Variants in KIF16B observed in about 807,000 individuals in gnomAD.
The protein encoded by KIF16B is kinesin family member 16B, also known as kinesin-like protein KIF16B.
KIF16B carries 98 observed loss-of-function variants against 156.3 expected under a neutral mutation model. That is an observed-to-expected ratio of 0.63 (90% CI 0.53 to 0.74). The LOEUF (loss-of-function observed/expected upper bound fraction) is 0.74. KIF16B is among the 30% of genes least tolerant of loss of function. The pLI, the probability that KIF16B is intolerant of heterozygous loss-of-function variation, is 0.00. For missense variants in KIF16B, 1,421 were observed against 1,606.5 expected, an observed-to-expected ratio of 0.88 and a Z score of 1.97; for synonymous variants, 564 against 583.7, an observed-to-expected ratio of 0.97 and a Z score of 0.49.
At chr20:16,312,976 C>CA (rs1473168584) in intron 24 of KIF16B, among the ~76,000 whole-genome samples, 1 of 151,982 alleles carries the variant, frequency 6.6e-6, no homozygotes, top group East Asian at 1.9e-4. Flanking sequence ...TCCATCTTTT[C>CA]ACCTTGTTTC....
chr20:16,565,437 T>C (rs929049503), intron 1 of KIF16B, among the ~76,000 whole-genome samples: 5 of 152,264 alleles, frequency 3.3e-5, no homozygotes, highest in Middle Eastern at 3.4e-3. Context: ...GAACCCCCTA[T>C]AAAAGAGTCT....
chr20:16,566,435 T>C (rs962877590), intron 1 of KIF16B, among the ~76,000 whole-genome samples: 5 of 152,256 alleles, frequency 3.3e-5, no homozygotes, highest in African/African-American at 7.2e-5. Flanking sequence ...CCTACACTAC[T>C]ATTAGATGAA....
intron 20 of KIF16B, among the ~76,000 whole-genome samples, chr20:16,372,281 C>T (rs1018325076): frequency 6.6e-6 from 1 of 152,174 alleles, no homozygotes; most frequent in East Asian, 1.9e-4. Context: ...GATTGAACAG[C>T]GTCTAGCACA....
chr20:16,447,611 T>TA (rs890747669), intron 12 of KIF16B, among the ~76,000 whole-genome samples: 6 of 151,388 alleles, frequency 4.0e-5, no homozygotes, highest in African/African-American at 7.3e-5. Context: ...CTGTCTCTAT[T>TA]AAAAAAAAAT....
At chr20:16,573,135 CT>C (rs756739027) in intron 1 of KIF16B, 93 bp downstream of exon 1, 2 of 1,291,284 alleles carry the variant, frequency 1.5e-6, no homozygotes, top group East Asian at 2.5e-5. Context: ...GCCGGTGACA[CT>C]TTTAAGTCCA....
At chr20:16,385,115 T>C (rs2065197091) in intron 17 of KIF16B, among the ~76,000 whole-genome samples, 2 of 151,652 alleles carry the variant, frequency 1.3e-5, no homozygotes, top group Non-Finnish European at 2.9e-5. Flanking sequence ...GAGAATGGCT[T>C]GAACCCAGGA....
intron 25 of KIF16B, among the ~76,000 whole-genome samples, chr20:16,281,658 G>A (rs1237650697): frequency 1.3e-5 from 2 of 152,188 alleles, no homozygotes; most frequent in Admixed American, 6.5e-5. Context: ...CACACTCCAA[G>A]GAAATCAGGA....
intron 3 of KIF16B, among the ~76,000 whole-genome samples, chr20:16,525,786 C>A (rs562352121): frequency 2.0e-5 from 3 of 152,280 alleles, no homozygotes; most frequent in East Asian, 3.9e-4. Flanking sequence ...CATGTCTCCC[C>A]AGAAATGCTT....
At chr20:16,567,933 CAG>C (rs1400533974) in intron 1 of KIF16B, among the ~76,000 whole-genome samples, 1 of 152,184 alleles carries the variant, frequency 6.6e-6, no homozygotes, top group Non-Finnish European at 1.5e-5. Flanking sequence ...GCCTGGGCAA[CAG>C]AGCGAGACTT....
chr20:16,367,402 C>T, intron 22 of KIF16B: 1 of 1,612,902 alleles, frequency 6.2e-7, no homozygotes, highest in Non-Finnish European at 8.5e-7. Context: ...CCTGAATTCA[C>T]TTAAAGCATG....
intron 22 of KIF16B, among the ~76,000 whole-genome samples, chr20:16,358,129 C>A (rs933502307): frequency 6.6e-6 from 1 of 152,048 alleles, no homozygotes; most frequent in African/African-American, 2.4e-5. Flanking sequence ...GCAGAGGTTG[C>A]AGTGAGCTGA....
At chr20:16,501,296 T>TTAACCG (rs2068615676) in intron 10 of KIF16B, among the ~76,000 whole-genome samples, 27 of 91,306 alleles carry the variant, frequency 3.0e-4, no homozygotes, top group South Asian at 1.1e-3. Context: ...TACCAAGAAT[T>TTAACCG]GAATTCTTGG....
intron 1 of KIF16B, among the ~76,000 whole-genome samples, chr20:16,546,784 T>C (rs1186610273): frequency 6.6e-6 from 1 of 152,122 alleles, no homozygotes; most frequent in African/African-American, 2.4e-5. Context: ...TATTTATTTA[T>C]TTATTTACTT....
intron 12 of KIF16B, among the ~76,000 whole-genome samples, chr20:16,453,096 T>A (rs1416433695): frequency 2.1e-5 from 3 of 140,130 alleles, no homozygotes; most frequent in African/African-American, 5.7e-5. Flanking sequence ...AGTGAGACCC[T>A]ATCTTTACCA....
chr20:16,446,912 C>G (rs978263406), intron 12 of KIF16B, among the ~76,000 whole-genome samples: 1 of 152,136 alleles, frequency 6.6e-6, no homozygotes, highest in African/African-American at 2.4e-5. Flanking sequence ...AATAATCTAT[C>G]CTGCACTAGA....
rs200898603 is a variant in KIF16B at position 16,452,402 on chromosome 20, GA to G, written c.1303-22421del. ...AGTAAAACTGCCATAACCCCTATAA[GA>G]AAAAAAAAAAAAACTATTGTTTCTC... On this transcript the variant is annotated intron_variant, in intron 12 of 25. Transcript: ENST00000354981. Among the ~76,000 whole-genome samples the G allele has an allele frequency of 5.0e-3, 625 of 125,656 alleles. 2 individuals carry two copies. Among genetic ancestry groups the G allele is most frequent in the African/African-American group, 0.014 (496 of 34,414 alleles). The allele number at this position is 125,656 out of a possible 152,430, so 82.4% of individuals were successfully genotyped here. A position where few individuals can be genotyped will look rare whatever the true frequency, so the allele number is the denominator to read the frequency against.
intron 12 of KIF16B, among the ~76,000 whole-genome samples, chr20:16,476,694 A>C (rs1336652195): frequency 1.3e-5 from 2 of 152,226 alleles, no homozygotes; most frequent in African/African-American, 4.8e-5. Context: ...CAGGATAGCC[A>C]TATTCCCCTC....
chr20:16,434,012 G>A (rs2066575750), intron 12 of KIF16B, among the ~76,000 whole-genome samples: 1 of 151,868 alleles, frequency 6.6e-6, no homozygotes, highest in African/African-American at 2.4e-5. Flanking sequence ...ATGTATACTT[G>A]CATATATTTT....
chr20:16,494,241 A>G, intron 12 of KIF16B, 50 bp downstream of exon 12: 1 of 1,114,808 alleles, frequency 9.0e-7, no homozygotes, highest in Middle Eastern at 2.2e-4. Flanking sequence ...AAAAAGTTTT[A>G]CCAGTTTAAT....
Sources: gnomAD v4.1 joint callset for allele counts (sites outside exome capture counted in the v4.1 genomes callset) on GRCh38, gnomAD v4.1.1 for gene constraint, MANE v1.5 for transcripts, NCBI Gene and HGNC (gene_info 2026-07-23, HGNC 2026-07-21) for gene names.